SLC25A48: variants seen among roughly 807,000 people sequenced by gnomAD.
SLC25A48 encodes the protein CTC-321K16.1.
SLC25A48 carries 29 observed loss-of-function variants against 32.2 expected under a neutral mutation model. That is an observed-to-expected ratio of 0.90 (90% confidence interval 0.67 to 1.23). The LOEUF (loss-of-function observed/expected upper bound fraction) is 1.23, where lower values mean the gene tolerates loss of function less well. Among genes scored for constraint, SLC25A48 ranks in the 50% most tolerant of loss-of-function variants. The pLI, the probability that SLC25A48 is intolerant of heterozygous loss-of-function variation, is 0.00. For synonymous variants in SLC25A48, 164 were observed against 172.3 expected, an observed-to-expected ratio of 0.95 and a Z score of 0.38; for missense variants, 399 against 422.7, an observed-to-expected ratio of 0.94 and a Z score of 0.49.
At chr5:135,883,919 T>G (rs1459247909) in intron 7 of SLC25A48, among the ~76,000 whole-genome samples, 1 of 152,194 alleles carries the variant, frequency 6.6e-6, no homozygotes, top group East Asian at 1.9e-4. Flanking sequence ...TTATGTGGCT[T>G]GTGTCCCTGC....
chr5:135,760,220 A>G (rs1756029476), intron 3 of SLC25A48, among the ~76,000 whole-genome samples: 1 of 152,148 alleles, frequency 6.6e-6, no homozygotes, highest in African/African-American at 2.4e-5. Context: ...TAGTGCATAT[A>G]TTCCTGTTAT....
chr5:135,764,004 G>T, intron 3 of SLC25A48, among the ~76,000 whole-genome samples: 1 of 152,090 alleles, frequency 6.6e-6, no homozygotes, highest in Non-Finnish European at 1.5e-5. Context: ...TCCCGAGTGC[G>T]GGGGACAGGG....
At chr5:135,614,550 T>C (rs1355076101) in intron 1 of SLC25A48, among the ~76,000 whole-genome samples, 2 of 152,262 alleles carry the variant, frequency 1.3e-5, no homozygotes, top group Non-Finnish European at 2.9e-5. Flanking sequence ...TATGTTGAGT[T>C]ATGTTCCTTC....
At chr5:135,735,039 C>T (rs1469173522) in intron 3 of SLC25A48, among the ~76,000 whole-genome samples, 2 of 152,106 alleles carry the variant, frequency 1.3e-5, no homozygotes, top group Non-Finnish European at 1.5e-5. Flanking sequence ...TTAGAAAGTC[C>T]GATTTCCAGT....
At chr5:135,650,373 G>A (rs1753080015) in intron 3 of SLC25A48, 1 of 455,352 alleles carries the variant, frequency 2.2e-6, no homozygotes, top group Non-Finnish European at 4.4e-6. Context: ...GCATTCAAGA[G>A]GTCAGAAGTG....
chr5:135,591,611 C>T (rs1751530653), intron 1 of SLC25A48, among the ~76,000 whole-genome samples: 1 of 152,226 alleles, frequency 6.6e-6, no homozygotes, highest in South Asian at 2.1e-4. Flanking sequence ...CATTGCTTTT[C>T]CTCAAACAGC....
intron 3 of SLC25A48, among the ~76,000 whole-genome samples, chr5:135,692,029 G>A (rs1754153612): frequency 6.6e-6 from 1 of 152,234 alleles, no homozygotes; most frequent in Non-Finnish European, 1.5e-5. Flanking sequence ...TAAAAAAGAG[G>A]TAGGCAGTCC....
At chr5:135,795,801 C>T (rs2126637359) in intron 3 of SLC25A48, among the ~76,000 whole-genome samples, 1 of 148,700 alleles carries the variant, frequency 6.7e-6, no homozygotes. Flanking sequence ...TCCCCTGTTA[C>T]ATGGTTCATA....
intron 3 of SLC25A48, among the ~76,000 whole-genome samples, chr5:135,792,885 TCA>T (rs1757066888): frequency 6.6e-6 from 1 of 151,754 alleles, no homozygotes; most frequent in Admixed American, 6.6e-5. Context: ...ACTTCTAATA[TCA>T]CAGTGGGTGT....
intron 3 of SLC25A48, among the ~76,000 whole-genome samples, chr5:135,781,282 G>A (rs1756711395): frequency 8.6e-6 from 1 of 116,216 alleles, no homozygotes; most frequent in South Asian, 3.1e-4. Context: ...TGCAGAAAGT[G>A]TACTCCCCAC....
At position 135,684,010 on chromosome 5, in the gene SLC25A48, T is replaced by TA. The variant is rs550793236; in HGVS notation, c.-521+49056dup. On this transcript the variant is annotated intron_variant, in intron 3 of 10. Coordinates refer to the SLC25A48 transcript ENST00000646290. ...CTTCATGCTGAATGCTGGTGATATC[T>TA]AAGGGCCAGAAGAGACCCATTCGGT... Among the ~76,000 whole-genome samples the TA allele has an allele frequency of 2.5e-4, 38 of 152,322 alleles. No homozygotes were observed. In the South Asian group the frequency reaches 3.7e-3, roughly 15 times the overall value.
chr5:135,829,471 G>A lies in SLC25A48; in HGVS notation c.-116-12945G>A, dbSNP rs912332414. The stretch of plus-strand genomic sequence containing the variant: ...ATATGATTTTCAAGCTGATATCGCC[G>A]CGGCCCAGAATTTCAGACTTCTGTG... On this transcript the variant is annotated intron_variant, in intron 4 of 10. Transcript: ENST00000646290. Among the ~76,000 whole-genome samples, 6 of 152,208 alleles carry A rather than the reference G, an allele frequency of 3.9e-5. No individual in the cohort carries two copies. In the East Asian group the frequency reaches 7.7e-4, roughly 20 times the overall value.
chr5:135,886,638 A>ATATAT (rs1169881576), intron 7 of SLC25A48, among the ~76,000 whole-genome samples: 3 of 29,040 alleles, frequency 1.0e-4, no homozygotes, highest in African/African-American at 1.7e-4. Flanking sequence ...TATATATATA[A>ATATAT]AATATATATA....
chr5:135,880,946 C>A (rs1762427779), intron 7 of SLC25A48, among the ~76,000 whole-genome samples: 1 of 152,064 alleles, frequency 6.6e-6, no homozygotes, highest in African/African-American at 2.4e-5. Flanking sequence ...CCCCCACCCC[C>A]ACCCACACTG....
chr5:135,862,315 A>C (rs1760864635), intron 4 of SLC25A48, among the ~76,000 whole-genome samples: 1 of 152,260 alleles, frequency 6.6e-6, no homozygotes, highest in African/African-American at 2.4e-5. Context: ...TGCAGATCAC[A>C]AAGCCCTCCA....
intron 2 of SLC25A48, among the ~76,000 whole-genome samples, chr5:135,631,077 G>A (rs1434575674): frequency 6.6e-6 from 1 of 152,182 alleles, no homozygotes; most frequent in Non-Finnish European, 1.5e-5. Context: ...TGAACTTCCA[G>A]CAGAAAGCCT....
intron 3 of SLC25A48, among the ~76,000 whole-genome samples, chr5:135,694,550 G>A (rs944545412): frequency 6.6e-6 from 1 of 152,042 alleles, no homozygotes; most frequent in Admixed American, 6.5e-5. Context: ...CATTAGCCAC[G>A]TGGAAGCCAC....
rs370824609 is a variant in SLC25A48 at position 135,640,323 on chromosome 5, AAG to A, written c.-521+5375_-521+5376del. ...TGAGTAATTGGAGGGCTTCAAAGAT[AAG>A]AGAGAGAATGAGGCAGAAAAATACT... On this transcript the variant is annotated intron_variant, in intron 3 of 10. Coordinates refer to the SLC25A48 transcript ENST00000646290. 5.4e-3 allele frequency among the ~76,000 whole-genome samples: 825 copies of A among 152,316 alleles called. 5 individuals carry two copies. The highest frequency in any genetic ancestry group is 0.019 in the African/African-American group (773 of 41,582).
chr5:135,648,633 C>G (rs555601796), intron 3 of SLC25A48: 11 of 152,200 alleles, frequency 7.2e-5, no homozygotes, highest in Non-Finnish European at 1.6e-4. Flanking sequence ...AGCTTAAGGG[C>G]CTACCAGCTC....
Sources: gnomAD v4.1 joint callset for allele counts (sites outside exome capture counted in the v4.1 genomes callset) on GRCh38, gnomAD v4.1.1 for gene constraint, MANE v1.5 for transcripts, NCBI Gene and HGNC (gene_info 2026-07-23, HGNC 2026-07-21) for gene names.